LRRK2: variants seen among roughly 807,000 people sequenced by gnomAD.
LRRK2 encodes the protein leucine rich repeat kinase 2.
In LRRK2, 203 loss-of-function variants were observed where a neutral mutation model predicts 302.6. The observed-to-expected ratio is 0.67, with a 90% CI of 0.60 to 0.75. The LOEUF (loss-of-function observed/expected upper bound fraction) is 0.75. Among genes scored for constraint, LRRK2 ranks in the 30% least tolerant of loss-of-function variants. The pLI, the probability that LRRK2 is intolerant of heterozygous loss-of-function variation, is 0.00. For synonymous variants in LRRK2, 1,066 were observed against 1,031.9 expected, an observed-to-expected ratio of 1.03 and a Z score of -0.63; for missense variants, 2,830 against 2,951.0, an observed-to-expected ratio of 0.96 and a Z score of 0.95.
Position 40,348,502 on chromosome 12 carries a change from C to T in LRRK2, c.6374C>T (p.Ser2125Phe). The stretch of plus-strand genomic sequence containing the variant: ...GAAAATCCTCAAGAAAGGCCTACTT[C>T]TGCCCAGGTATTCTTAAAGTTTTGT... The part of the protein sequence containing the change: ...LKENPQERPT[S>F]AQVFDILNSA... The change falls in exon 43 of 51, where the codon TCT becomes TTT. Residue 2125 changes from serine (S) to phenylalanine (F), a missense_variant. Coordinates refer to ENST00000298910, the MANE Select transcript of LRRK2 (RefSeq NM_198578.4). 6.2e-7 allele frequency: 1 copy of T among 1,605,116 alleles called. No homozygotes were observed. Among genetic ancestry groups the T allele is most frequent in the Non-Finnish European group, 8.5e-7 (1 of 1,172,160 alleles).
At chr12:40,289,369 T>A (rs1944053861) in intron 20 of LRRK2, among the ~76,000 whole-genome samples, 1 of 151,554 alleles carries the variant, frequency 6.6e-6, no homozygotes, top group Admixed American at 6.6e-5. Flanking sequence ...TTAAAAAAAA[T>A]TGTTCTTATT....
intron 14 of LRRK2, among the ~76,000 whole-genome samples, chr12:40,272,995 A>G (rs1943295663): frequency 6.6e-6 from 1 of 150,876 alleles, no homozygotes; most frequent in Non-Finnish European, 1.5e-5. Context: ...CGCTTAGCCC[A>G]AGGCCTGACC....
At position 40,305,807 on chromosome 12, in the gene LRRK2, T is replaced by C; in HGVS notation, c.3800T>C (p.Leu1267Pro). The C allele has an allele frequency of 6.2e-7, 1 of 1,613,746 alleles. No homozygotes were observed. The highest frequency in any genetic ancestry group is 8.5e-7 in the Non-Finnish European group (1 of 1,179,808). ...LKEIPPEIGC[L>P]ENLTSLDVSY... ...AAGATTCCTCCTGAGATTGGCTGTC[T>C]TGAAAATCTGACATCTCTGGATGTC... Residue 1267 changes from leucine to proline, a missense_variant, in exon 28 of 51, where the codon CTT (leucine) becomes CCT (proline). Around this residue, in one of 3 missense-constraint regions of LRRK2, gnomAD observed 2,121 missense variants for 2,148.0 expected, o/e 0.99. Coordinates refer to ENST00000298910, the MANE Select transcript of LRRK2 (RefSeq NM_198578.4).
chr12:40,353,279 G>A (rs61915611), intron 44 of LRRK2, among the ~76,000 whole-genome samples: 17 of 11,098 alleles, frequency 1.5e-3, no homozygotes, highest in Non-Finnish European at 3.2e-3. Context: ...GGCGGCTGCC[G>A]GGCAGAGGGA....
At chr12:40,325,391 C>G (rs904854412) in intron 38 of LRRK2, among the ~76,000 whole-genome samples, 10 of 152,226 alleles carry the variant, frequency 6.6e-5, no homozygotes, top group Non-Finnish European at 1.5e-4. Flanking sequence ...ATCCATAAAT[C>G]CCATGTTCAT....
intron 47 of LRRK2, 145 bp downstream of exon 47, chr12:40,359,589 A>G: frequency 1.2e-6 from 1 of 833,214 alleles, no homozygotes; most frequent in Middle Eastern, 3.7e-4. Context: ...AACTTTCATT[A>G]TAAAAAATTT....
chr12:40,291,122 CTTT>C (rs1386710187), intron 20 of LRRK2, among the ~76,000 whole-genome samples: 7 of 151,916 alleles, frequency 4.6e-5, no homozygotes, highest in Non-Finnish European at 4.4e-5. Flanking sequence ...AGTTCATGTC[CTTT>C]GTAGGGACAT....
In LRRK2 at chr12:40,363,389, T is replaced by A. The variant is rs996158518; in HGVS notation, c.7029-13T>A. 2.0e-5 allele frequency: 33 copies of A among 1,609,868 alleles called. No individual in the cohort carries two copies. The highest frequency in any genetic ancestry group is 2.7e-5 in the Non-Finnish European group (32 of 1,177,528). On this transcript the variant is annotated splice_polypyrimidine_tract_variant and intron_variant, in intron 47 of 50. Transcript: ENST00000298910. ...ACAAATAGTGATGACTTTCTATTTT[T>A]TTTTCTCTGTAGGTTTTCTTATGCA...
chr12:40,306,053 AT>A, intron 28 of LRRK2, 87 bp downstream of exon 28: 1 of 1,014,584 alleles, frequency 9.9e-7, no homozygotes, highest in Non-Finnish European at 1.5e-6. Context: ...TATTGTTACT[AT>A]TTAGGGAAAA....
At chr12:40,235,585 T>G in intron 3 of LRRK2, 41 bp from the exon 4 acceptor site, 86 of 1,340,072 alleles carry the variant, frequency 6.4e-5, no homozygotes, top group Non-Finnish European at 8.2e-5. Flanking sequence ...CTTTTGAGTA[T>G]GATATTTCAT....
chr12:40,316,715 G>T (rs1945234514), intron 33 of LRRK2, among the ~76,000 whole-genome samples: 1 of 152,038 alleles, frequency 6.6e-6, no homozygotes, highest in Admixed American at 6.6e-5. Context: ...GCAATTTAAA[G>T]AATGTTAATC....
chr12:40,366,857 C>A, intron 49 of LRRK2, 149 bp from the exon 50 acceptor site: 1 of 597,104 alleles, frequency 1.7e-6, no homozygotes, highest in Non-Finnish European at 3.0e-6. Flanking sequence ...GGTCTTTATT[C>A]AATATAATTG....
intron 7 of LRRK2, 87 bp downstream of exon 7, chr12:40,243,768 G>A (rs1941850271): frequency 1.6e-6 from 2 of 1,239,418 alleles, no homozygotes; most frequent in South Asian, 1.3e-5. Context: ...TAATGGATAA[G>A]TAGCATATTG....
Position 40,244,181 on chromosome 12 carries a change from C to T in LRRK2, c.838+500C>T, listed in dbSNP as rs1029439075. On this transcript the variant is annotated intron_variant, in intron 7 of 50. Transcript: ENST00000298910. ...AACACTATCCAGAATTTTGTGTTTA[C>T]AAATCTTTTGTTTATAAATATGATT... is the stretch of plus-strand genomic sequence containing the variant. Among the ~76,000 whole-genome samples, 4 of 152,066 alleles carry T rather than the reference C, an allele frequency of 2.6e-5. No individual in the cohort carries two copies. The South Asian group carries it at 8.3e-4, about 31-fold the overall frequency.
intron 14 of LRRK2, among the ~76,000 whole-genome samples, chr12:40,273,861 G>A (rs17466016): frequency 0.034 from 5,190 of 152,188 alleles, 236 homozygotes; most frequent in South Asian, 0.12. Context: ...TGATGAGTAG[G>A]ATGGCCTGGA....
rs1326110333 is a variant in LRRK2 at position 40,259,598 on chromosome 12, G to A, written c.1537G>A (p.Val513Met). 1 of 1,612,976 alleles carries A rather than the reference G, an allele frequency of 6.2e-7. No individual in the cohort carries two copies. The highest frequency in any genetic ancestry group is 1.1e-5 in the South Asian group (1 of 91,062). ...EALRAILHFI[V>M]PGMPEESRED... Reference sequence around the variant, plus strand: ...GCTTCGAGCTATTTTACATTTTATAGTGCCTGGTAAGTTACATAGTTGATT... The same window carrying A: ...GCTTCGAGCTATTTTACATTTTATAATGCCTGGTAAGTTACATAGTTGATT... The change falls in exon 13 of 51, where the codon GTG (valine) becomes ATG (methionine). Residue 513 changes from valine (V) to methionine (M), a missense_variant. Coordinates refer to ENST00000298910, the MANE Select transcript of LRRK2 (RefSeq NM_198578.4).
At chr12:40,316,849 T>C (rs898357286) in intron 33 of LRRK2, among the ~76,000 whole-genome samples, 3 of 152,070 alleles carry the variant, frequency 2.0e-5, no homozygotes, top group Non-Finnish European at 1.5e-5. Context: ...AAGGAAGTTT[T>C]AAATATATCC....
At chr12:40,231,760 A>G (rs1366029271) in intron 2 of LRRK2, among the ~76,000 whole-genome samples, 1 of 147,228 alleles carries the variant, frequency 6.8e-6, no homozygotes, top group Non-Finnish European at 1.5e-5. Flanking sequence ...ATATATATAA[A>G]TTATATATAT....
intron 41 of LRRK2, among the ~76,000 whole-genome samples, chr12:40,345,690 C>T (rs28365236): frequency 2.4e-4 from 36 of 150,152 alleles, no homozygotes; most frequent in African/African-American, 6.9e-4. Context: ...ATATACCCGA[C>T]GCATAAATTC....
Sources: gnomAD v4.1 joint callset for allele counts (sites outside exome capture counted in the v4.1 genomes callset) on GRCh38, gnomAD v4.1.1 for gene constraint, gnomAD v4.1.1 regional missense constraint, MANE v1.5 for transcripts, NCBI Gene and HGNC (gene_info 2026-07-23, HGNC 2026-07-21) for gene names.